LRRC7: variants seen among roughly 807,000 people sequenced by gnomAD.
The protein encoded by LRRC7 is leucine-rich repeat-containing protein 7.
In LRRC7, 23 loss-of-function variants were observed where a neutral mutation model predicts 175.7. The ratio of observed to expected loss-of-function variants is 0.13; its 90% CI spans 0.09 to 0.19. The LOEUF (loss-of-function observed/expected upper bound fraction) is 0.19, where lower values mean the gene tolerates loss of function less well. Among genes scored for constraint, LRRC7 ranks in the 10% least tolerant of loss-of-function variants. The pLI, the probability that LRRC7 is intolerant of heterozygous loss-of-function variation, is 1.00. For synonymous variants in LRRC7, 685 were observed against 680.9 expected, an observed-to-expected ratio of 1.01 and a Z score of -0.09; for missense variants, 1,354 against 1,904.7, an observed-to-expected ratio of 0.71 and a Z score of 5.38.
intron 23 of LRRC7, among the ~76,000 whole-genome samples, chr1:70,063,903 T>C (rs778889230): frequency 2.6e-5 from 4 of 152,024 alleles, no homozygotes; most frequent in Non-Finnish European, 5.9e-5. Context: ...AATGTACTTA[T>C]AGAGATTCAA....
intron 2 of LRRC7, among the ~76,000 whole-genome samples, chr1:69,690,398 G>A (rs957990766): frequency 2.6e-5 from 4 of 152,118 alleles, no homozygotes; most frequent in East Asian, 1.9e-4. Flanking sequence ...TTGGATGTCC[G>A]GGAAGAAGTA....
intron 7 of LRRC7, among the ~76,000 whole-genome samples, chr1:69,917,568 G>GGTAA (rs994697544): frequency 1.3e-5 from 2 of 152,044 alleles, no homozygotes; most frequent in African/African-American, 4.8e-5. Flanking sequence ...ACATTGTGAT[G>GGTAA]GTAACAACTG....
At chr1:69,733,241 G>A (rs1010100957) in intron 2 of LRRC7, among the ~76,000 whole-genome samples, 3 of 151,916 alleles carry the variant, frequency 2.0e-5, no homozygotes, top group South Asian at 2.1e-4. Flanking sequence ...GCTCTTTAAT[G>A]GAATTCTGGC....
intron 2 of LRRC7, among the ~76,000 whole-genome samples, chr1:69,711,930 G>A (rs1160358187): frequency 6.6e-6 from 1 of 152,088 alleles, no homozygotes; most frequent in East Asian, 1.9e-4. Context: ...AGTATATGCT[G>A]GTGAGAATTA....
At chr1:69,725,369 T>C (rs1272857197) in intron 2 of LRRC7, among the ~76,000 whole-genome samples, 2 of 152,172 alleles carry the variant, frequency 1.3e-5, no homozygotes, top group Non-Finnish European at 2.9e-5. Flanking sequence ...AAGGGTCAAC[T>C]GTACTAACTC....
intron 1 of LRRC7, among the ~76,000 whole-genome samples, chr1:69,669,781 C>G (rs191674032): frequency 6.6e-6 from 1 of 152,132 alleles, no homozygotes; most frequent in Admixed American, 6.5e-5. Flanking sequence ...TCTTCTCTGA[C>G]TGCATATGTT....
intron 4 of LRRC7, among the ~76,000 whole-genome samples, chr1:69,807,626 C>T (rs933025886): frequency 3.3e-5 from 5 of 152,038 alleles, no homozygotes; most frequent in Non-Finnish European, 4.4e-5. Flanking sequence ...ATATTGCCCC[C>T]GACTCTCTTC....
At chr1:69,952,299 T>C (rs576753876) in intron 8 of LRRC7, among the ~76,000 whole-genome samples, 2 of 152,216 alleles carry the variant, frequency 1.3e-5, no homozygotes, top group East Asian at 3.9e-4. Flanking sequence ...ACATATGATA[T>C]GTTTTTAGTA....
intron 1 of LRRC7, among the ~76,000 whole-genome samples, chr1:69,584,203 T>G (rs1646313799): frequency 6.6e-6 from 1 of 152,102 alleles, no homozygotes; most frequent in Admixed American, 6.6e-5. Context: ...TGGAAAGAAT[T>G]ATTATTTCCT....
At chr1:70,035,513 T>C (rs1024825991) in intron 18 of LRRC7, among the ~76,000 whole-genome samples, 1 of 150,644 alleles carries the variant, frequency 6.6e-6, no homozygotes, top group African/African-American at 2.5e-5. Context: ...ATGATAGAAC[T>C]TGAGAAATTG....
chr1:69,885,445 G>T (rs1016816758), intron 7 of LRRC7, among the ~76,000 whole-genome samples: 2 of 143,708 alleles, frequency 1.4e-5, no homozygotes, highest in African/African-American at 5.4e-5. Context: ...TTGTATTTCT[G>T]TGGGATCGGT....
At chr1:69,797,203 G>A (rs1675892213) in intron 4 of LRRC7, among the ~76,000 whole-genome samples, 1 of 152,064 alleles carries the variant, frequency 6.6e-6, no homozygotes, top group African/African-American at 2.4e-5. Flanking sequence ...ACCGAGTGCT[G>A]GAAAAGATAG....
rs371853150 is a variant in LRRC7, at chr1:69,814,366, C to T, written c.422-11382C>T. ...TTGAAAGAATTAAATGATTTTTTCA[C>T]AGTGACAAAGTGAAGTGTAAGTTAC... On this transcript the variant is annotated intron_variant, in intron 4 of 26. Transcript: ENST00000651989. Among the ~76,000 whole-genome samples the T allele has an allele frequency of 5.9e-5, 9 of 152,096 alleles. No homozygotes were observed. In the East Asian group the frequency reaches 1.7e-3, roughly 29 times the overall value.
At chr1:69,764,919 A>G (rs764057968) in intron 3 of LRRC7, among the ~76,000 whole-genome samples, 8 of 152,036 alleles carry the variant, frequency 5.3e-5, no homozygotes, top group Non-Finnish European at 1.0e-4. Flanking sequence ...ATCAAAGAAA[A>G]GTAAGATTAT....
At chr1:70,017,875 C>A (rs1313086628) in intron 14 of LRRC7, among the ~76,000 whole-genome samples, 1 of 151,912 alleles carries the variant, frequency 6.6e-6, no homozygotes, top group Non-Finnish European at 1.5e-5. Flanking sequence ...ATAGTATATT[C>A]CACAGTATTG....
At chr1:69,693,709 A>G (rs1489089363) in intron 2 of LRRC7, among the ~76,000 whole-genome samples, 21 of 152,348 alleles carry the variant, frequency 1.4e-4, no homozygotes, top group East Asian at 9.7e-4. Context: ...ACCATAGCCC[A>G]GCCAAGTTGA....
rs1684586545 is a variant in LRRC7 at position 69,863,503 on chromosome 1, A to G, written c.647+25220A>G. Among the ~76,000 whole-genome samples, 2 of 152,166 alleles carry G rather than the reference A, an allele frequency of 1.3e-5. 1 individual carries two copies. Among genetic ancestry groups the G allele is most frequent in the East Asian group, 3.9e-4 (2 of 5,190 alleles). On this transcript the variant is annotated intron_variant, in intron 7 of 26. Transcript: ENST00000651989. ...GTTGTACTTTTTAAATTCATTCATT[A>G]GAGCATTATTTCAACAAATATACTT...
intron 1 of LRRC7, among the ~76,000 whole-genome samples, chr1:69,651,773 G>A (rs763450211): frequency 6.6e-6 from 1 of 152,064 alleles, no homozygotes; most frequent in Non-Finnish European, 1.5e-5. Flanking sequence ...CTCGGTCAAG[G>A]GAAAAGAGAA....
chr1:69,887,894 G>A (rs1645695468), intron 7 of LRRC7, among the ~76,000 whole-genome samples: 2 of 146,848 alleles, frequency 1.4e-5, no homozygotes, highest in East Asian at 2.0e-4. Flanking sequence ...GTGTCAGTGT[G>A]CCCCTGCTGG....
Sources: gnomAD v4.1 joint callset for allele counts (sites outside exome capture counted in the v4.1 genomes callset) on GRCh38, gnomAD v4.1.1 for gene constraint, MANE v1.5 for transcripts, NCBI Gene and HGNC (gene_info 2026-07-23, HGNC 2026-07-21) for gene names.